CDH23: variants seen among roughly 807,000 people sequenced by gnomAD.
CDH23 encodes cadherin related 23, also known as cadherin-23.
A neutral mutation model predicts 317.1 loss-of-function variants in CDH23; 189 were observed. The ratio of observed to expected loss-of-function variants is 0.60; its 90% CI spans 0.53 to 0.67. CDH23 has a LOEUF of 0.67. Among genes scored for constraint, CDH23 ranks in the 30% least tolerant of loss-of-function variants. CDH23 has a pLI of 0.00. For missense variants in CDH23, 4,401 were observed against 4,592.4 expected, an observed-to-expected ratio of 0.96 and a Z score of 1.20; for synonymous variants, 1,839 against 1,876.8, an observed-to-expected ratio of 0.98 and a Z score of 0.52.
At chr10:71,500,404 T>C (rs997923264) in intron 3 of CDH23, among the ~76,000 whole-genome samples, 3 of 152,218 alleles carry the variant, frequency 2.0e-5, no homozygotes, top group Non-Finnish European at 2.9e-5. Context: ...TCCCCATCAG[T>C]GCAGACACCT....
Position 71,752,934 on chromosome 10 carries a change from G to T in CDH23, c.4845+11013G>T, listed in dbSNP as rs369439268. On this transcript the variant is annotated intron_variant, in intron 38 of 69. Coordinates refer to ENST00000224721, the MANE Select transcript of CDH23 (RefSeq NM_022124.6). ...CAGAAGTATCTCTTCCTGGATAGCCGGCCCAGGAAGTTTTCTCAAGAAGGT... is the reference window on the plus strand; with the variant it reads ...CAGAAGTATCTCTTCCTGGATAGCCTGCCCAGGAAGTTTTCTCAAGAAGGT... 5 of 1,606,766 alleles carry T rather than the reference G, an allele frequency of 3.1e-6. No individual in the cohort carries two copies. The East Asian group carries it at 9.0e-5, about 29-fold the overall frequency.
At chr10:71,745,203 G>C (rs1398487490) in intron 38 of CDH23, among the ~76,000 whole-genome samples, 1 of 152,228 alleles carries the variant, frequency 6.6e-6, no homozygotes, top group Admixed American at 6.5e-5. Context: ...GGGAGGCAAT[G>C]AAAACACTGG....
chr10:71,796,311 G>A (rs888910343), intron 48 of CDH23, among the ~76,000 whole-genome samples: 14 of 152,148 alleles, frequency 9.2e-5, no homozygotes, highest in South Asian at 2.1e-4. Context: ...TCCAGTCCCC[G>A]CCCATGCTTC....
chr10:71,560,165 C>T (rs938043169), intron 6 of CDH23, among the ~76,000 whole-genome samples: 50 of 152,214 alleles, frequency 3.3e-4, no homozygotes, highest in African/African-American at 1.1e-3. Flanking sequence ...CCTCCCAAAG[C>T]ATCCCAGTAG....
chr10:71,682,577 G>A lies in CDH23; in HGVS notation c.1986+5G>A. 1 of 1,612,802 alleles carries A rather than the reference G, an allele frequency of 6.2e-7. No homozygotes were observed. The highest frequency in any genetic ancestry group is 8.5e-7 in the Non-Finnish European group (1 of 1,179,404). On this transcript the variant is annotated splice_donor_5th_base_variant and intron_variant, in intron 18 of 69. Transcript: ENST00000224721. The stretch of plus-strand genomic sequence containing the variant: ...CCTGTCACCATCGAGGTGTTTGTAA[G>A]TACCCAGGGCCACTGGCCTTGCCCT...
chr10:71,645,676 C>T, intron 12 of CDH23, 155 bp from the exon 13 acceptor site: 1 of 861,478 alleles, frequency 1.2e-6, no homozygotes, highest in Non-Finnish European at 2.0e-6. Flanking sequence ...CTTGGAGCTG[C>T]TCTGGGAAAG....
At chr10:71,603,236 G>A (rs983362833) in intron 9 of CDH23, among the ~76,000 whole-genome samples, 16 of 152,150 alleles carry the variant, frequency 1.1e-4, no homozygotes, top group African/African-American at 7.2e-5. Flanking sequence ...CTCCTTGGGC[G>A]TCTGATCACC....
At chr10:71,715,930 A>AC in intron 28 of CDH23, 4 of 1,449,600 alleles carry the variant, frequency 2.8e-6, no homozygotes, top group Non-Finnish European at 3.6e-6. Context: ...GTTTGTGGAC[A>AC]CCCCATTACA....
intron 45 of CDH23, among the ~76,000 whole-genome samples, chr10:71,789,773 G>T (rs990756326): frequency 1.3e-5 from 2 of 152,228 alleles, no homozygotes; most frequent in Non-Finnish European, 1.5e-5. Context: ...ATGCCCACCT[G>T]CAGAGGCACA....
At position 71,626,559 on chromosome 10, in the gene CDH23, C is replaced by G. The variant is rs992003188; in HGVS notation, c.1134+9166C>G. ...CAGTCAATGCACATTCTTGCCACCC[C>G]AGAGAGTGGGTGCAGCTGCCCTCAA... On this transcript the variant is annotated intron_variant, in intron 11 of 69. Transcript: ENST00000224721. 5.3e-5 allele frequency among the ~76,000 whole-genome samples: 8 copies of G among 152,330 alleles called. No individual in the cohort carries two copies. In the South Asian group the frequency reaches 1.5e-3, roughly 28 times the overall value.
At chr10:71,778,447 A>C in intron 40 of CDH23, 139 bp downstream of exon 40, 236 of 1,121,196 alleles carry the variant, frequency 2.1e-4, no homozygotes, top group Non-Finnish European at 2.8e-4. Context: ...TCCTAATCTC[A>C]GCAACTCACT....
At chr10:71,732,496 G>A (rs1839426594) in intron 32 of CDH23, 121 bp downstream of exon 32, 3 of 1,433,406 alleles carry the variant, frequency 2.1e-6, no homozygotes, top group Non-Finnish European at 2.8e-6. Context: ...GCCAAGTGTG[G>A]TGTTAGGTAC....
intron 35 of CDH23, 74 bp from the exon 36 acceptor site, chr10:71,739,570 G>T: frequency 1.3e-6 from 2 of 1,546,582 alleles, no homozygotes; most frequent in Non-Finnish European, 8.8e-7. Flanking sequence ...GGAGGACCAG[G>T]GAGTCCCCCT....
At chr10:71,403,408 TCTTCCTTC>T (rs1176829681) in intron 1 of CDH23, among the ~76,000 whole-genome samples, 64 of 57,096 alleles carry the variant, frequency 1.1e-3, no homozygotes, top group Middle Eastern at 7.1e-3. Context: ...TCTTTCTTTC[TCTTCCTTC>T]CTTCCTTCCT....
chr10:71,439,839 G>T lies in CDH23; in HGVS notation c.8G>T (p.Arg3Leu), dbSNP rs397517363. The change falls in exon 2 of 70, where the codon CGC (arginine) becomes CTC (leucine). Residue 3 changes from arginine to leucine, a missense_variant. Physicochemically the swap from Arg to Leu is moderately radical, Grantham distance 102 (BLOSUM62 -2). This residue lies in a region of CDH23 where 3,068 missense variants were observed against 3,203.3 expected (regional missense o/e 0.96). Coordinates refer to ENST00000224721, the MANE Select transcript of CDH23 (RefSeq NM_022124.6). ...TTTGTGTCCCCAGGAGCCATGGGGCGCCATGTTGCCACCAGCTGCCACGTG... is the reference window on the plus strand; with the variant it reads ...TTTGTGTCCCCAGGAGCCATGGGGCTCCATGTTGCCACCAGCTGCCACGTG... MG[R>L]HVATSCHVAW... 6 of 1,566,168 alleles carry T rather than the reference G, an allele frequency of 3.8e-6. No homozygotes were observed. Among genetic ancestry groups the T allele is most frequent in the Admixed American group, 3.8e-5 (2 of 53,048 alleles).
chr10:71,532,705 G>GTTTTTGTTTTT (rs1855449555), intron 6 of CDH23, among the ~76,000 whole-genome samples: 1 of 59,696 alleles, frequency 1.7e-5, no homozygotes, highest in Non-Finnish European at 3.4e-5. Context: ...GTTTTCTTTT[G>GTTTTTGTTTTT]TTTTTGTTTT....
chr10:71,549,832 G>C (rs1052584289), intron 6 of CDH23, among the ~76,000 whole-genome samples: 10 of 152,220 alleles, frequency 6.6e-5, no homozygotes, highest in African/African-American at 2.4e-4. Flanking sequence ...GGGTGTGAGA[G>C]ATGATCAGGA....
intron 6 of CDH23, among the ~76,000 whole-genome samples, chr10:71,552,085 G>A (rs1280193849): frequency 6.6e-6 from 1 of 152,256 alleles, no homozygotes; most frequent in Non-Finnish European, 1.5e-5. Context: ...CTATGACTGT[G>A]GGCCAGGCCT....
At chr10:71,788,009 A>G (rs1022709208) in intron 44 of CDH23, among the ~76,000 whole-genome samples, 1 of 152,224 alleles carries the variant, frequency 6.6e-6, no homozygotes, top group Non-Finnish European at 1.5e-5. Context: ...TCCCACCAGC[A>G]GTGTATGAGC....
Sources: gnomAD v4.1 joint callset for allele counts (sites outside exome capture counted in the v4.1 genomes callset) on GRCh38, gnomAD v4.1.1 for gene constraint, gnomAD v4.1.1 regional missense constraint, MANE v1.5 for transcripts, NCBI Gene and HGNC (gene_info 2026-07-23, HGNC 2026-07-21) for gene names.